The following RBFOX1 variants were observed in gnomAD, a reference collection of about 807,000 sequenced individuals.
RBFOX1 encodes the protein RNA binding protein fox-1 homolog 1.
Under a neutral mutation model 57.7 loss-of-function variants are expected in RBFOX1, and 8 were observed. That is an observed-to-expected ratio of 0.14 (90% CI 0.08 to 0.25). The LOEUF is 0.25. Among genes scored for constraint, RBFOX1 ranks in the 10% least tolerant of loss-of-function variants. The pLI is 1.00. For synonymous variants in RBFOX1, 326 were observed against 222.4 expected (o/e 1.47, Z -4.15); for missense variants, 611 against 548.5 (o/e 1.11, Z -1.14).
chr16:5,244,665 T>C (rs1421935966), intron 1 of RBFOX1, among the ~76,000 whole-genome samples: 1 of 152,270 alleles, frequency 6.6e-6, no homozygotes, highest in Non-Finnish European at 1.5e-5. Flanking sequence ...GTGTGTCTGC[T>C]GTGGCGCTCT....
At chr16:6,031,418 A>G (rs1567295915) in intron 1 of RBFOX1, among the ~76,000 whole-genome samples, 1 of 152,260 alleles carries the variant, frequency 6.6e-6, no homozygotes, top group East Asian at 1.9e-4. Context: ...TATTTTTGAG[A>G]TGGGGAAGAT....
At chr16:7,373,831 A>C (rs775759759) in intron 4 of RBFOX1, among the ~76,000 whole-genome samples, 8 of 152,228 alleles carry the variant, frequency 5.3e-5, no homozygotes, top group African/African-American at 1.9e-4. Context: ...GAAGATGGAC[A>C]CATTCACGTT....
rs551121628 is a variant in RBFOX1 at position 6,705,663 on chromosome 16, A to C, written c.-16+51013A>C. On this transcript the variant is annotated intron_variant, in intron 3 of 15. Coordinates refer to ENST00000550418, the MANE Select transcript of RBFOX1 (RefSeq NM_018723.4). Reference sequence around the variant, plus strand: ...TTTTACAGTGCAAGAAAGCGCTCACAACAACAACAAAGCCACTGTGATAGA... The same window carrying C: ...TTTTACAGTGCAAGAAAGCGCTCACCACAACAACAAAGCCACTGTGATAGA... 76 of 152,308 alleles carry C rather than the reference A, an allele frequency of 5.0e-4. 1 individual carries two copies. Among genetic ancestry groups the C allele is most frequent in the African/African-American group, 1.8e-3 (75 of 41,558 alleles). The allele number at this position is 152,308 out of a possible 1,614,324, so 9.4% of individuals were successfully genotyped here.
intron 4 of RBFOX1, among the ~76,000 whole-genome samples, chr16:5,905,064 C>CTTTTTTTTT (rs57349384): frequency 1.4e-4 from 11 of 78,460 alleles, no homozygotes; most frequent in African/African-American, 5.8e-4. Context: ...ATGACTGGTG[C>CTTTTTTTTT]TTTTTTTTTT....
At chr16:7,323,405 CAGAGTGAG>C (rs1227055050) in intron 4 of RBFOX1, among the ~76,000 whole-genome samples, 1 of 152,198 alleles carries the variant, frequency 6.6e-6, no homozygotes, top group African/African-American at 2.4e-5. Context: ...GCCTGGGTGA[CAGAGTGAG>C]ACCCTGTCTC....
chr16:5,942,005 A>T (rs1223493997), intron 4 of RBFOX1, among the ~76,000 whole-genome samples: 1 of 151,660 alleles, frequency 6.6e-6, no homozygotes, highest in Non-Finnish European at 1.5e-5. Context: ...TGAGTGGAGG[A>T]ATAACAGAAA....
intron 3 of RBFOX1, among the ~76,000 whole-genome samples, chr16:6,788,815 G>T (rs1300236227): frequency 6.6e-6 from 1 of 151,916 alleles, no homozygotes; most frequent in South Asian, 2.1e-4. Flanking sequence ...GATGTCATAC[G>T]ATGTGCCAAT....
At chr16:6,953,432 G>A (rs1480879983) in intron 3 of RBFOX1, among the ~76,000 whole-genome samples, 1 of 151,864 alleles carries the variant, frequency 6.6e-6, no homozygotes, top group Non-Finnish European at 1.5e-5. Context: ...TGTCGCCAAT[G>A]CTGGGTACAG....
chr16:5,899,504 T>G (rs550548860), intron 4 of RBFOX1, among the ~76,000 whole-genome samples: 10 of 152,196 alleles, frequency 6.6e-5, no homozygotes, highest in Non-Finnish European at 1.5e-4. Flanking sequence ...TCTGCTTGAC[T>G]AGCTAGGAAG....
At chr16:6,567,815 T>A (rs1045319253) in intron 2 of RBFOX1, among the ~76,000 whole-genome samples, 15 of 152,150 alleles carry the variant, frequency 9.9e-5, no homozygotes, top group Non-Finnish European at 1.3e-4. Flanking sequence ...ACTATTTTTT[T>A]AAAATTTTTT....
At chr16:5,597,866 A>G (rs770874019) in intron 2 of RBFOX1, among the ~76,000 whole-genome samples, 2 of 152,186 alleles carry the variant, frequency 1.3e-5, no homozygotes, top group Non-Finnish European at 2.9e-5. Context: ...CTGAGGCTCC[A>G]CTGCAACCCT....
At chr16:7,311,654 G>C (rs907961893) in intron 4 of RBFOX1, among the ~76,000 whole-genome samples, 8 of 152,050 alleles carry the variant, frequency 5.3e-5, no homozygotes, top group Non-Finnish European at 1.2e-4. Context: ...GAAAGGTTGA[G>C]AGCAATATTG....
At chr16:6,029,436 A>G (rs2095254938) in intron 1 of RBFOX1, among the ~76,000 whole-genome samples, 1 of 152,214 alleles carries the variant, frequency 6.6e-6, no homozygotes, top group African/African-American at 2.4e-5. Flanking sequence ...AAGAGGATAG[A>G]CTATTTAAAG....
intron 3 of RBFOX1, among the ~76,000 whole-genome samples, chr16:6,692,679 T>G (rs1568237919): frequency 6.6e-6 from 1 of 152,106 alleles, no homozygotes; most frequent in Non-Finnish European, 1.5e-5. Context: ...GTGTTTCCCT[T>G]TAACCAACAC....
At chr16:6,988,772 GT>G (rs1162056842) in intron 3 of RBFOX1, among the ~76,000 whole-genome samples, 3 of 124,966 alleles carry the variant, frequency 2.4e-5, no homozygotes, top group African/African-American at 9.6e-5. Flanking sequence ...TTTGTTTTTT[GT>G]TTTTTGTTTT....
intron 4 of RBFOX1, among the ~76,000 whole-genome samples, chr16:5,900,679 G>A (rs761250534): frequency 2.0e-5 from 3 of 152,094 alleles, no homozygotes; most frequent in Non-Finnish European, 4.4e-5. Context: ...AAAACAAATC[G>A]CAGCTCTCCA....
At chr16:6,377,195 G>T (rs187543645) in intron 2 of RBFOX1, among the ~76,000 whole-genome samples, 1 of 149,794 alleles carries the variant, frequency 6.7e-6, no homozygotes, top group South Asian at 2.1e-4. Context: ...GATCACTTAA[G>T]CCCAGGAAGT....
chr16:5,394,267 C>T (rs1161331431), intron 1 of RBFOX1, among the ~76,000 whole-genome samples: 1 of 152,132 alleles, frequency 6.6e-6, no homozygotes, highest in African/African-American at 2.4e-5. Context: ...CGTGATCTGC[C>T]CGCCTCAGCC....
chr16:5,399,407 G>C (rs562615968), intron 1 of RBFOX1, among the ~76,000 whole-genome samples: 1 of 152,238 alleles, frequency 6.6e-6, no homozygotes, highest in African/African-American at 2.4e-5. Context: ...AATTTTTCTC[G>C]TAGAAAATTT....
Sources: allele counts gnomAD v4.1 joint callset (sites outside exome capture counted in the v4.1 genomes callset), GRCh38; gene constraint gnomAD v4.1.1; transcripts MANE v1.5; gene names NCBI Gene and HGNC (gene_info 2026-07-23, HGNC 2026-07-21).